UNC5D: variants seen among roughly 807,000 people sequenced by gnomAD.
The protein encoded by UNC5D is unc-5 netrin receptor D.
A neutral mutation model predicts 105.4 loss-of-function variants in UNC5D; 39 were observed. That is an observed-to-expected ratio of 0.37 (90% CI 0.29 to 0.48). The LOEUF (loss-of-function observed/expected upper bound fraction) is 0.48, where lower values mean the gene tolerates loss of function less well. UNC5D is among the 20% of genes least tolerant of loss of function. The probability of loss-of-function intolerance (pLI) is 0.98; values close to 1 mark genes in which losing one functional copy is unlikely to be tolerated. For missense variants in UNC5D, 991 were observed against 1,202.4 expected (o/e 0.82, Z 2.60); for synonymous variants, 452 against 450.4 (o/e 1.00, Z -0.04).
intron 4 of UNC5D, among the ~76,000 whole-genome samples, chr8:35,619,458 C>T (rs1484650262): frequency 6.6e-6 from 1 of 152,154 alleles, no homozygotes; most frequent in African/African-American, 2.4e-5. Context: ...AATAGTCAGG[C>T]ATTGGATCAC....
intron 1 of UNC5D, among the ~76,000 whole-genome samples, chr8:35,437,767 C>T (rs1807121684): frequency 6.6e-6 from 1 of 151,894 alleles, no homozygotes; most frequent in Admixed American, 6.6e-5. Flanking sequence ...CATTGGATTA[C>T]AGTGTCCCTT....
chr8:35,460,036 C>T (rs1389169014), intron 1 of UNC5D, among the ~76,000 whole-genome samples: 2 of 152,142 alleles, frequency 1.3e-5, no homozygotes, highest in East Asian at 3.9e-4. Flanking sequence ...GCCAGCCCAC[C>T]TGAGCAAAAG....
rs1436615 is a variant in UNC5D, at chr8:35,748,650, T to C, written c.1890T>C (p.His630=). The change falls in exon 12 of 17, where the codon CAT becomes CAC. Residue 630 remains histidine (H), a synonymous_variant. Coordinates refer to ENST00000404895, the MANE Select transcript of UNC5D (RefSeq NM_080872.4). ...IPHCADVSSE[H]WNIHLKKRTQ... is the part of the protein sequence containing the mutation. ...ACTGTGCAGATGTCAGTTCTGAGCA[T>C]TGGAATATCCATTTAAAGAAGAGGA... 35,867 of 1,613,828 alleles carry C rather than the reference T, an allele frequency of 0.022. 2,401 individuals are homozygous for C. In the African/African-American group the frequency reaches 0.24, roughly 11 times the overall value.
intron 16 of UNC5D, among the ~76,000 whole-genome samples, chr8:35,783,426 A>G (rs1802599728): frequency 6.6e-6 from 1 of 152,182 alleles, no homozygotes. Context: ...GCAAATAGGT[A>G]GACTGTCCTC....
rs34611902 is a variant in UNC5D, at chr8:35,652,915, ATTTTTTTTTTT to A, written c.571-30613_571-30603del. On this transcript the variant is annotated intron_variant, in intron 4 of 16. Transcript: ENST00000404895. ...GTCTTCATTTTCACTACAAGTGAGG[ATTTTTTTTTTT>A]TTTTTTTTTTTTTTTTTTGAGACAG... 2.2e-4 allele frequency among the ~76,000 whole-genome samples: 11 copies of A among 49,156 alleles called. 1 individual carries two copies. Among genetic ancestry groups the A allele is most frequent in the Middle Eastern group, 0.028 (2 of 72 alleles). The allele number at this position is 49,156 out of a possible 152,430, so 32.2% of individuals were successfully genotyped here. A position where few individuals can be genotyped will look rare whatever the true frequency, so the allele number is the denominator to read the frequency against.
At chr8:35,460,935 C>T (rs1191198072) in intron 1 of UNC5D, among the ~76,000 whole-genome samples, 3 of 152,198 alleles carry the variant, frequency 2.0e-5, no homozygotes, top group Non-Finnish European at 4.4e-5. Context: ...ATTTGGAAAA[C>T]AAAACAGGGC....
intron 1 of UNC5D, among the ~76,000 whole-genome samples, chr8:35,418,620 T>C (rs377115374): frequency 6.6e-6 from 1 of 152,200 alleles, no homozygotes; most frequent in African/African-American, 2.4e-5. Context: ...AGTTCCTGAT[T>C]GTTACATAAA....
chr8:35,394,386 A>C (rs1387931158), intron 1 of UNC5D, among the ~76,000 whole-genome samples: 1 of 152,198 alleles, frequency 6.6e-6, no homozygotes, highest in Non-Finnish European at 1.5e-5. Flanking sequence ...AAAAAGTTGT[A>C]CACTAATGAT....
At chr8:35,617,354 C>A (rs1463922715) in intron 4 of UNC5D, among the ~76,000 whole-genome samples, 1 of 152,130 alleles carries the variant, frequency 6.6e-6, no homozygotes, top group African/African-American at 2.4e-5. Flanking sequence ...AGAGCATGAC[C>A]ATTTTTTCTT....
chr8:35,705,111 C>T (rs1029616226), intron 7 of UNC5D, among the ~76,000 whole-genome samples: 5 of 151,980 alleles, frequency 3.3e-5, no homozygotes, highest in African/African-American at 4.8e-5. Context: ...ACTACAGGCG[C>T]CTGCCACCTC....
At chr8:35,372,763 C>A (rs915005355) in intron 1 of UNC5D, among the ~76,000 whole-genome samples, 1 of 152,002 alleles carries the variant, frequency 6.6e-6, no homozygotes, top group Admixed American at 6.6e-5. Context: ...GTGATCACAC[C>A]CAGCTAATTT....
chr8:35,401,173 G>GGGGCCA lies in UNC5D; in HGVS notation c.104-148117_104-148116insGCCAGG, dbSNP rs1389105076. Among the ~76,000 whole-genome samples the GGGGCCA allele has an allele frequency of 7.9e-5, 12 of 152,134 alleles. No homozygotes were observed. In the East Asian group the frequency reaches 2.3e-3, roughly 29 times the overall value. On this transcript the variant is annotated intron_variant, in intron 1 of 16. Transcript: ENST00000404895. ...ATAAAGATACTGCTATAAAAAACAA[G>GGGGCCA]GGTCCAGGTGCGGTGGCTCAAAATG...
At chr8:35,718,163 A>G (rs1828360850) in intron 8 of UNC5D, among the ~76,000 whole-genome samples, 1 of 151,966 alleles carries the variant, frequency 6.6e-6, no homozygotes, top group Non-Finnish European at 1.5e-5. Flanking sequence ...GAGTCCTCCC[A>G]AGCTTTGCCT....
chr8:35,498,388 G>C (rs1296903915), intron 1 of UNC5D, among the ~76,000 whole-genome samples: 1 of 152,092 alleles, frequency 6.6e-6, no homozygotes, highest in Non-Finnish European at 1.5e-5. Context: ...TATGTGCAAT[G>C]TAAATCTGAA....
At chr8:35,508,374 T>C (rs1296917224) in intron 1 of UNC5D, among the ~76,000 whole-genome samples, 1 of 152,224 alleles carries the variant, frequency 6.6e-6, no homozygotes, top group Non-Finnish European at 1.5e-5. Flanking sequence ...TAAATTATCC[T>C]CATCTGCTGA....
chr8:35,249,816 A>G (rs1472202862), intron 1 of UNC5D, among the ~76,000 whole-genome samples: 1 of 152,040 alleles, frequency 6.6e-6, no homozygotes, highest in African/African-American at 2.4e-5. Flanking sequence ...ATTAGGTGTC[A>G]AAATATTCAA....
At chr8:35,472,656 A>G (rs1809813406) in intron 1 of UNC5D, among the ~76,000 whole-genome samples, 2 of 152,220 alleles carry the variant, frequency 1.3e-5, no homozygotes, top group Non-Finnish European at 2.9e-5. Flanking sequence ...CCCCAAGGAA[A>G]ATTAAAGCGA....
chr8:35,248,870 A>C (rs1158569826), intron 1 of UNC5D, among the ~76,000 whole-genome samples: 1 of 91,758 alleles, frequency 1.1e-5, no homozygotes, highest in Non-Finnish European at 1.8e-5. Context: ...ATAATAATAT[A>C]AAAATATATA....
intron 4 of UNC5D, among the ~76,000 whole-genome samples, chr8:35,622,308 C>T (rs1354832680): frequency 6.6e-6 from 1 of 152,130 alleles, no homozygotes; most frequent in Admixed American, 6.6e-5. Context: ...CACCACTGCA[C>T]TCCAGCCTGG....
Sources: allele counts gnomAD v4.1 joint callset (sites outside exome capture counted in the v4.1 genomes callset), GRCh38; gene constraint gnomAD v4.1.1; transcripts MANE v1.5; gene names NCBI Gene and HGNC (gene_info 2026-07-23, HGNC 2026-07-21).